Variants in DCC observed in about 807,000 individuals in gnomAD.
The protein encoded by DCC is DCC netrin 1 receptor.
In DCC, 58 loss-of-function variants were observed where a neutral mutation model predicts 172.5. The ratio of observed to expected loss-of-function variants is 0.34; its 90% CI spans 0.27 to 0.42. DCC has a LOEUF of 0.42. Among genes scored for constraint, DCC ranks in the 10% least tolerant of loss-of-function variants. The pLI, the probability that DCC is intolerant of heterozygous loss-of-function variation, is 1.00. For synonymous variants in DCC, 709 were observed against 644.5 expected, an observed-to-expected ratio of 1.10 and a Z score of -1.52; for missense variants, 1,740 against 1,791.0, an observed-to-expected ratio of 0.97 and a Z score of 0.51.
chr18:53,224,103 TAAAC>T (rs1223506192), intron 12 of DCC, among the ~76,000 whole-genome samples: 2 of 152,174 alleles, frequency 1.3e-5, no homozygotes, highest in East Asian at 3.9e-4. Flanking sequence ...AATAGACTAA[TAAAC>T]AAATTAACAA....
intron 2 of DCC, among the ~76,000 whole-genome samples, chr18:52,840,775 C>T (rs1468564086): frequency 6.6e-6 from 1 of 152,116 alleles, no homozygotes; most frequent in Non-Finnish European, 1.5e-5. Context: ...ACATCATTAA[C>T]ATATTTATTC....
At chr18:53,154,102 T>C (rs542644919) in intron 7 of DCC, among the ~76,000 whole-genome samples, 5 of 152,272 alleles carry the variant, frequency 3.3e-5, no homozygotes, top group Admixed American at 6.5e-5. Context: ...TCCCCTGGAA[T>C]CACCCTCAAC....
chr18:53,372,694 A>T lies in DCC; in HGVS notation c.2360-13349A>T, dbSNP rs189600789. Among the ~76,000 whole-genome samples, 52 of 152,240 alleles carry T rather than the reference A, an allele frequency of 3.4e-4. No individual in the cohort carries two copies. In the East Asian group the frequency reaches 7.1e-3, roughly 21 times the overall value. ...CAGAAGACAAGCATATATGAAACCT[A>T]GAGAAGTTAAAAAATTTTTCAAGAA... On this transcript the variant is annotated intron_variant, in intron 15 of 28. Coordinates refer to ENST00000442544, the MANE Select transcript of DCC (RefSeq NM_005215.4).
At chr18:52,783,087 C>G (rs189541787) in intron 2 of DCC, among the ~76,000 whole-genome samples, 2 of 152,018 alleles carry the variant, frequency 1.3e-5, no homozygotes, top group Admixed American at 1.3e-4. Context: ...GAAAAACAGA[C>G]CTAAACTACC....
At chr18:52,485,387 C>G (rs954964042) in intron 1 of DCC, among the ~76,000 whole-genome samples, 1 of 152,200 alleles carries the variant, frequency 6.6e-6, no homozygotes, top group East Asian at 1.9e-4. Flanking sequence ...TATCCATCAT[C>G]GCAATATGGA....
chr18:53,234,048 C>T (rs989811602), intron 12 of DCC, among the ~76,000 whole-genome samples: 7 of 152,064 alleles, frequency 4.6e-5, no homozygotes, highest in Non-Finnish European at 7.4e-5. Flanking sequence ...GTTGGGAGTT[C>T]GAGACCAGCC....
At position 52,775,360 on chromosome 18, in the gene DCC, C is replaced by T. The variant is rs141910707; in HGVS notation, c.412+22986C>T. On this transcript the variant is annotated intron_variant, in intron 2 of 28. Coordinates refer to ENST00000442544, the MANE Select transcript of DCC (RefSeq NM_005215.4). ...ACAGGGTGCTCTCTTAGTTTGCTGT[C>T]TACCGGAGGCTTGTGTTAAGCAGCT... 2.6e-3 allele frequency among the ~76,000 whole-genome samples: 392 copies of T among 152,292 alleles called. 1 individual carries two copies. The highest frequency in any genetic ancestry group is 0.014 in the Middle Eastern group (4 of 294).
chr18:53,363,434 G>A (rs193241794), intron 15 of DCC, among the ~76,000 whole-genome samples: 21 of 152,242 alleles, frequency 1.4e-4, no homozygotes, highest in African/African-American at 4.6e-4. Context: ...TTGAAAGTTT[G>A]TGATAAAAGA....
At chr18:53,431,651 A>T (rs1166074476) in intron 21 of DCC, among the ~76,000 whole-genome samples, 1 of 151,918 alleles carries the variant, frequency 6.6e-6, no homozygotes, top group Non-Finnish European at 1.5e-5. Flanking sequence ...TGCTCTGCTA[A>T]TTTTCGTATT....
At chr18:52,499,088 G>C (rs2144622556) in intron 1 of DCC, among the ~76,000 whole-genome samples, 1 of 152,244 alleles carries the variant, frequency 6.6e-6, no homozygotes, top group Middle Eastern at 3.4e-3. Context: ...CATCTTTGCT[G>C]CTTAAATTTG....
chr18:53,249,652 T>C (rs910155167), intron 12 of DCC, among the ~76,000 whole-genome samples: 1 of 151,972 alleles, frequency 6.6e-6, no homozygotes, highest in Non-Finnish European at 1.5e-5. Context: ...TACTTTTCCT[T>C]GTCTATGGAA....
intron 15 of DCC, among the ~76,000 whole-genome samples, chr18:53,382,069 A>AC (rs1907790022): frequency 8.1e-6 from 1 of 122,856 alleles, no homozygotes; most frequent in East Asian, 2.2e-4. Flanking sequence ...GATTAAAAAC[A>AC]ACACACACAC....
At chr18:53,091,507 G>A (rs566013156) in intron 7 of DCC, among the ~76,000 whole-genome samples, 68 of 151,600 alleles carry the variant, frequency 4.5e-4, no homozygotes, top group Admixed American at 1.1e-3. Context: ...TCTGGTGACC[G>A]GCTGAGTTTC....
intron 7 of DCC, among the ~76,000 whole-genome samples, chr18:53,157,035 T>C (rs983149554): frequency 6.6e-6 from 1 of 152,192 alleles, no homozygotes; most frequent in African/African-American, 2.4e-5. Flanking sequence ...TGTTAAAAAT[T>C]CACATTGCCA....
intron 1 of DCC, among the ~76,000 whole-genome samples, chr18:52,523,448 G>C (rs749712147): frequency 6.6e-6 from 1 of 152,046 alleles, no homozygotes; most frequent in Non-Finnish European, 1.5e-5. Flanking sequence ...AAACAAACTT[G>C]TTTATGTAGA....
chr18:52,439,538 G>T (rs1354547909), intron 1 of DCC, among the ~76,000 whole-genome samples: 1 of 152,108 alleles, frequency 6.6e-6, no homozygotes, highest in Non-Finnish European at 1.5e-5. Context: ...GAAGCGCCCT[G>T]TTAAAAAGTA....
intron 5 of DCC, among the ~76,000 whole-genome samples, chr18:53,006,232 C>T (rs1230465637): frequency 6.6e-6 from 1 of 152,170 alleles, no homozygotes; most frequent in African/African-American, 2.4e-5. Flanking sequence ...AATTTATCTT[C>T]TGAACCTGCT....
intron 12 of DCC, among the ~76,000 whole-genome samples, chr18:53,274,101 A>G (rs2056778999): frequency 6.6e-6 from 1 of 152,164 alleles, no homozygotes; most frequent in African/African-American, 2.4e-5. Context: ...GGAGGAAACT[A>G]TGCTACCTTT....
At chr18:52,835,244 A>G (rs2038684485) in intron 2 of DCC, among the ~76,000 whole-genome samples, 1 of 152,218 alleles carries the variant, frequency 6.6e-6, no homozygotes, top group Admixed American at 6.5e-5. Flanking sequence ...TCTGGGAGAA[A>G]AACAATTTAT....
Sources: gnomAD v4.1 joint callset for allele counts (sites outside exome capture counted in the v4.1 genomes callset) on GRCh38, gnomAD v4.1.1 for gene constraint, MANE v1.5 for transcripts, NCBI Gene and HGNC (gene_info 2026-07-23, HGNC 2026-07-21) for gene names.